KIF5B: variants seen among roughly 807,000 people sequenced by gnomAD.
The protein encoded by KIF5B is kinesin family member 5B.
Under a neutral mutation model 132.8 loss-of-function variants are expected in KIF5B, and 49 were observed. The ratio of observed to expected loss-of-function variants is 0.37; its 90% CI spans 0.29 to 0.47. The LOEUF (loss-of-function observed/expected upper bound fraction) is 0.47, where lower values mean the gene tolerates loss of function less well. Among genes scored for constraint, KIF5B ranks in the 20% least tolerant of loss-of-function variants. The pLI is 1.00. For synonymous variants in KIF5B, 355 were observed against 369.4 expected (o/e 0.96, Z 0.45); for missense variants, 780 against 1,144.0 (o/e 0.68, Z 4.59).
At chr10:32,014,404 G>A (rs1009476987) in intron 25 of KIF5B, among the ~76,000 whole-genome samples, 1 of 151,944 alleles carries the variant, frequency 6.6e-6, no homozygotes, top group African/African-American at 2.4e-5. Flanking sequence ...AGTGGGGCAG[G>A]GGGGTGTGGG....
chr10:32,026,753 A>C (rs1841339523), intron 15 of KIF5B, among the ~76,000 whole-genome samples: 1 of 152,180 alleles, frequency 6.6e-6, no homozygotes, highest in Non-Finnish European at 1.5e-5. Context: ...CAAATCTACA[A>C]AGCAAATCTT....
intron 24 of KIF5B, among the ~76,000 whole-genome samples, chr10:32,016,267 A>G (rs1592437018): frequency 1.3e-5 from 2 of 151,822 alleles, no homozygotes; most frequent in African/African-American, 4.8e-5. Flanking sequence ...GACCAGCCTG[A>G]CCAACAAGGA....
chr10:32,018,231 T>A, intron 22 of KIF5B, 75 bp from the exon 23 acceptor site: 1 of 1,452,390 alleles, frequency 6.9e-7, no homozygotes, highest in South Asian at 1.4e-5. Flanking sequence ...GACGTGACTG[T>A]AAAGTTATTT....
intron 17 of KIF5B, among the ~76,000 whole-genome samples, chr10:32,021,499 T>G (rs1841260450): frequency 6.8e-6 from 1 of 146,860 alleles, no homozygotes; most frequent in Non-Finnish European, 1.5e-5. Context: ...CTTTATGGTT[T>G]GTTTGGTTTT....
chr10:32,040,554 T>TA (rs953084512), intron 2 of KIF5B, 97 bp from the exon 3 acceptor site: 591 of 661,422 alleles, frequency 8.9e-4, no homozygotes, highest in Middle Eastern at 1.4e-3. Flanking sequence ...GAGAAAAGGT[T>TA]AAAAAAAAAA....
intron 15 of KIF5B, among the ~76,000 whole-genome samples, chr10:32,023,926 T>C (rs968199067): frequency 2.6e-5 from 4 of 151,770 alleles, no homozygotes; most frequent in African/African-American, 9.7e-5. Flanking sequence ...AAAATCTAGG[T>C]GATATTGGGT....
chr10:32,045,167 T>C (rs887882678), intron 2 of KIF5B, among the ~76,000 whole-genome samples: 5 of 152,116 alleles, frequency 3.3e-5, no homozygotes, highest in African/African-American at 1.2e-4. Context: ...ATTAAGAGAC[T>C]GTGTAACTAA....
At chr10:32,023,088 G>A (rs1841287099) in intron 15 of KIF5B, 52 bp from the exon 16 acceptor site, 1 of 1,046,124 alleles carries the variant, frequency 9.6e-7, no homozygotes, top group Admixed American at 2.7e-5. Context: ...TTCAATGTGT[G>A]TTTTCCCAAT....
In KIF5B at chr10:32,013,283, CTAAT is replaced by C. The variant is rs560794255; in HGVS notation, c.*21-1771_*21-1768del. Among the ~76,000 whole-genome samples the C allele has an allele frequency of 7.9e-5, 12 of 152,278 alleles. No individual in the cohort carries two copies. In the South Asian group the frequency reaches 2.3e-3, roughly 29 times the overall value. On this transcript the variant is annotated intron_variant, in intron 25 of 25. Transcript: ENST00000302418. ...AAGGGGAAAAACACAGGAGTTATCT[CTAAT>C]TATCATGAAAACCAGCTATTGTATG...
chr10:32,014,368 GCAA>G (rs1841128472), intron 25 of KIF5B, among the ~76,000 whole-genome samples: 1 of 150,958 alleles, frequency 6.6e-6, no homozygotes. Flanking sequence ...GTCAGCCTGG[GCAA>G]CAAGAACGAG....
intron 8 of KIF5B, among the ~76,000 whole-genome samples, chr10:32,036,697 GAGT>G: frequency 6.6e-6 from 1 of 152,346 alleles, no homozygotes; most frequent in East Asian, 1.9e-4. Flanking sequence ...TAAGACTTCA[GAGT>G]AGAACGGAAT....
At chr10:32,019,485 T>C (rs1233024784) in intron 20 of KIF5B, among the ~76,000 whole-genome samples, 1 of 152,208 alleles carries the variant, frequency 6.6e-6, no homozygotes, top group East Asian at 1.9e-4. Flanking sequence ...TGCTCTTTTA[T>C]GCAAGAGAAA....
chr10:32,055,802 C>A lies in KIF5B; in HGVS notation c.126+46G>T, dbSNP rs777050151. On this transcript the variant is annotated intron_variant, in intron 1 of 25. Transcript: ENST00000302418. ...CACTTCCCTAAACTCCCCGCACAGGCCGGCCCGAAGAAGCGGGAGGAGGGA... is the reference window on the plus strand; with the variant it reads ...CACTTCCCTAAACTCCCCGCACAGGACGGCCCGAAGAAGCGGGAGGAGGGA... 20 of 1,601,886 alleles carry A rather than the reference C, an allele frequency of 1.2e-5. No individual in the cohort carries two copies. In the South Asian group the frequency reaches 1.8e-4, roughly 14 times the overall value.
Position 32,018,378 on chromosome 10 carries a change from G to C in KIF5B, c.2377C>G (p.Leu793Val), listed in dbSNP as rs762188020. The C allele has an allele frequency of 1.3e-6, 2 of 1,535,922 alleles. No individual in the cohort carries two copies. Among genetic ancestry groups the C allele is most frequent in the South Asian group, 2.6e-5 (2 of 76,142 alleles). Residue 793 changes from leucine to valine, a missense_variant, in exon 22 of 26, where the codon CTT becomes GTT. Coordinates refer to ENST00000302418, the MANE Select transcript of KIF5B (RefSeq NM_004521.3). ...TTGCGCAGGTTGTGTAAAGTCTGAA[G>C]TTCTTTTGCCTTGGATTAAGAACAG... ...KGLEETVAKE[L>V]QTLHNLRKLF...
chr10:32,032,610 C>G (rs1233839727), intron 13 of KIF5B, 96 bp downstream of exon 13: 7 of 950,538 alleles, frequency 7.4e-6, no homozygotes, highest in African/African-American at 1.6e-5. Context: ...ACAGTCATAC[C>G]CAAAATTATA....
chr10:32,023,753 A>G (rs369627271), intron 15 of KIF5B, among the ~76,000 whole-genome samples: 2 of 152,336 alleles, frequency 1.3e-5, no homozygotes, highest in African/African-American at 4.8e-5. Flanking sequence ...ACAAAGGTGC[A>G]AAGGCAATTT....
chr10:32,048,956 C>T (rs900068315), intron 1 of KIF5B, among the ~76,000 whole-genome samples: 1 of 152,094 alleles, frequency 6.6e-6, no homozygotes, highest in South Asian at 2.1e-4. Context: ...GCAGCCTCAA[C>T]CTCCTGGGCT....
In KIF5B at chr10:32,038,005, G is replaced by A. The variant is rs533914734; in HGVS notation, c.498+158C>T. On this transcript the variant is annotated intron_variant, in intron 6 of 25. Coordinates refer to ENST00000302418, the MANE Select transcript of KIF5B (RefSeq NM_004521.3). ...CATGCCTGTAATCCCAGCTACTCAA[G>A]AGGCTGAGGCAGGAGAACTGCTTGA... Among the ~76,000 whole-genome samples, 188 of 152,132 alleles carry A rather than the reference G, an allele frequency of 1.2e-3. 1 individual carries two copies. The highest frequency in any genetic ancestry group is 4.2e-3 in the African/African-American group (176 of 41,492).
intron 2 of KIF5B, among the ~76,000 whole-genome samples, chr10:32,047,371 C>T (rs1261857116): frequency 6.6e-6 from 1 of 152,092 alleles, no homozygotes; most frequent in Non-Finnish European, 1.5e-5. Flanking sequence ...TTGACTATAT[C>T]CTCAATTCTC....
Sources: allele counts gnomAD v4.1 joint callset (sites outside exome capture counted in the v4.1 genomes callset), GRCh38; gene constraint gnomAD v4.1.1; transcripts MANE v1.5; gene names NCBI Gene and HGNC (gene_info 2026-07-23, HGNC 2026-07-21).